LRBA: variants seen among roughly 807,000 people sequenced by gnomAD.
The protein encoded by LRBA is lipopolysaccharide-responsive and beige-like anchor protein.
LRBA carries 176 observed loss-of-function variants against 330.0 expected under a neutral mutation model. The observed-to-expected ratio is 0.53, with a 90% CI of 0.47 to 0.60. The LOEUF is 0.60. Ranked by LOEUF, LRBA falls within the 20% of genes least tolerant of loss-of-function variation. LRBA has a pLI of 0.00. For synonymous variants in LRBA, 1,230 were observed against 1,193.0 expected, an observed-to-expected ratio of 1.03 and a Z score of -0.64; for missense variants, 3,259 against 3,444.8, an observed-to-expected ratio of 0.95 and a Z score of 1.35.
intron 47 of LRBA, among the ~76,000 whole-genome samples, chr4:150,388,515 A>G (rs555960506): frequency 1.3e-5 from 2 of 152,224 alleles, no homozygotes; most frequent in South Asian, 2.1e-4. Context: ...AATCATCTTT[A>G]GGCAAAATTC....
At chr4:150,549,817 A>G (rs1370909603) in intron 40 of LRBA, among the ~76,000 whole-genome samples, 1 of 152,242 alleles carries the variant, frequency 6.6e-6, no homozygotes, top group Non-Finnish European at 1.5e-5. Context: ...TTTAGAGGAA[A>G]GATGGAAAAG....
At chr4:150,423,089 AG>A in intron 46 of LRBA, 1 of 812,940 alleles carries the variant, frequency 1.2e-6, no homozygotes, top group Non-Finnish European at 2.2e-6. Context: ...TCTGGGGAAG[AG>A]CTCCAAGGCA....
chr4:150,431,060 T>C (rs957928457), intron 46 of LRBA, among the ~76,000 whole-genome samples: 1 of 152,160 alleles, frequency 6.6e-6, no homozygotes, highest in Non-Finnish European at 1.5e-5. Flanking sequence ...GATGTAGCTG[T>C]CTAGTCAAAT....
chr4:150,419,511 G>A (rs1748289145), intron 46 of LRBA, among the ~76,000 whole-genome samples: 1 of 151,884 alleles, frequency 6.6e-6, no homozygotes, highest in Admixed American at 6.6e-5. Context: ...TTTTTCAACA[G>A]CCTAATATGA....
At chr4:150,380,429 C>G (rs1742036103) in intron 47 of LRBA, among the ~76,000 whole-genome samples, 1 of 152,044 alleles carries the variant, frequency 6.6e-6, no homozygotes, top group South Asian at 2.1e-4. Context: ...TGAACCCCAC[C>G]TACATCAGGA....
chr4:150,956,702 G>A (rs2149556488), intron 2 of LRBA, among the ~76,000 whole-genome samples: 1 of 149,184 alleles, frequency 6.7e-6, no homozygotes, highest in South Asian at 2.1e-4. Flanking sequence ...ATTTATTCCA[G>A]GAATGCAAGC....
chr4:150,327,034 C>G (rs1733367481), intron 48 of LRBA, among the ~76,000 whole-genome samples: 1 of 151,950 alleles, frequency 6.6e-6, no homozygotes, highest in Non-Finnish European at 1.5e-5. Context: ...AAATGGGAAC[C>G]TGAAGGCTAA....
Position 150,559,846 on chromosome 4 carries a change from AAT to A in LRBA, c.6330+28200_6330+28201del, listed in dbSNP as rs1767988511. 1.1e-4 allele frequency among the ~76,000 whole-genome samples: 3 copies of A among 26,638 alleles called. No homozygotes were observed. In the East Asian group the frequency reaches 3.2e-3, roughly 28 times the overall value. The allele number at this position is 26,638 out of a possible 152,430, so 17.5% of individuals were successfully genotyped here. A position where few individuals can be genotyped will look rare whatever the true frequency, so the allele number is the denominator to read the frequency against. On this transcript the variant is annotated intron_variant, in intron 40 of 56. Coordinates refer to ENST00000651943, the MANE Select transcript of LRBA (RefSeq NM_001364905.1). ...TAATAATATAAAATATAATATATAT[AAT>A]AATATATAATTATATATAATATATA...
At chr4:150,831,310 AAC>A (rs1484782060) in intron 29 of LRBA, among the ~76,000 whole-genome samples, 1 of 152,104 alleles carries the variant, frequency 6.6e-6, no homozygotes, top group African/African-American at 2.4e-5. Context: ...TCCATAAGGA[AAC>A]AGATTTTTTG....
intron 47 of LRBA, among the ~76,000 whole-genome samples, chr4:150,370,365 G>T (rs1000409010): frequency 2.2e-4 from 33 of 152,174 alleles, no homozygotes; most frequent in Non-Finnish European, 4.4e-5. Flanking sequence ...AAAAAGAAAT[G>T]AGCTATCAAG....
chr4:150,544,381 G>T (rs76092984), intron 40 of LRBA, among the ~76,000 whole-genome samples: 2,252 of 152,046 alleles, frequency 0.015, 54 homozygotes, highest in African/African-American at 0.051. Flanking sequence ...ACCCACCTTG[G>T]CCTCCCATAC....
chr4:150,334,859 T>G (rs977567632), intron 48 of LRBA, among the ~76,000 whole-genome samples: 2 of 148,398 alleles, frequency 1.3e-5, no homozygotes, highest in Non-Finnish European at 3.0e-5. Context: ...TGACAGAGTT[T>G]CGCTCTGTCA....
chr4:150,885,073 A>T (rs1728797555), intron 17 of LRBA, among the ~76,000 whole-genome samples: 2 of 152,180 alleles, frequency 1.3e-5, no homozygotes, highest in African/African-American at 4.8e-5. Flanking sequence ...AGAATCTGTG[A>T]ATTCAAAGAT....
intron 36 of LRBA, among the ~76,000 whole-genome samples, chr4:150,715,081 G>A (rs966795298): frequency 6.6e-6 from 1 of 152,142 alleles, no homozygotes; most frequent in Admixed American, 6.5e-5. Context: ...CTTACCAACT[G>A]TTTACTAATC....
At chr4:150,480,096 G>A (rs1363756100) in intron 42 of LRBA, among the ~76,000 whole-genome samples, 6 of 152,134 alleles carry the variant, frequency 3.9e-5, no homozygotes, top group African/African-American at 1.4e-4. Context: ...CCCAGTGTTC[G>A]CTCTTTCCAG....
At chr4:150,353,209 T>C (rs6840159) in intron 47 of LRBA, among the ~76,000 whole-genome samples, 5,335 of 152,224 alleles carry the variant, frequency 0.035, 213 homozygotes, top group African/African-American at 0.092. Flanking sequence ...ACTCACAGTA[T>C]ATACTCTTAG....
intron 26 of LRBA, among the ~76,000 whole-genome samples, chr4:150,845,071 C>T (rs548928230): frequency 6.6e-6 from 1 of 152,200 alleles, no homozygotes; most frequent in East Asian, 1.9e-4. Flanking sequence ...CAATAGGCTA[C>T]TATTTCTTAG....
Position 150,346,777 on chromosome 4 carries a change from A to C in LRBA, c.7362+3215T>G, listed in dbSNP as rs990244073. On this transcript the variant is annotated intron_variant, in intron 48 of 56. Coordinates refer to ENST00000651943, the MANE Select transcript of LRBA (RefSeq NM_001364905.1). ...TGTCTCAAAAAAAAAAAAAAAAAAA[A>C]AAAAAAAAAACACTTATTTGTTATG... Among the ~76,000 whole-genome samples, 145 of 151,158 alleles carry C rather than the reference A, an allele frequency of 9.6e-4. 1 individual carries two copies. Among genetic ancestry groups the C allele is most frequent in the Non-Finnish European group, 1.7e-3 (117 of 67,796 alleles).
At position 150,265,709 on chromosome 4, in the gene LRBA, A is replaced by G. The variant is rs1580832744; in HGVS notation, c.*13T>C. ...CTCATCCTAGGGGCAGAGTTGATGTACAGCTGTCACCATCAGTAGCGGGTT... is the reference window on the plus strand; with the variant it reads ...CTCATCCTAGGGGCAGAGTTGATGTGCAGCTGTCACCATCAGTAGCGGGTT... On this transcript the variant is annotated 3_prime_UTR_variant, in exon 57 of 57. Transcript: ENST00000651943. 6.4e-7 allele frequency: 1 copy of G among 1,570,852 alleles called. No homozygotes were observed. Among genetic ancestry groups the G allele is most frequent in the Non-Finnish European group, 8.8e-7 (1 of 1,140,476 alleles).
Sources: gnomAD v4.1 joint callset for allele counts (sites outside exome capture counted in the v4.1 genomes callset) on GRCh38, gnomAD v4.1.1 for gene constraint, MANE v1.5 for transcripts, NCBI Gene and HGNC (gene_info 2026-07-23, HGNC 2026-07-21) for gene names.